GPHN: variants seen among roughly 807,000 people sequenced by gnomAD.
The protein encoded by GPHN is gephyrin.
In GPHN, 17 loss-of-function variants were observed where a neutral mutation model predicts 95.5. The observed-to-expected ratio is 0.18, with a 90% CI of 0.12 to 0.27. The LOEUF is 0.27. Ranked by LOEUF, GPHN falls within the 10% of genes least tolerant of loss-of-function variation. The pLI, the probability that GPHN is intolerant of heterozygous loss-of-function variation, is 1.00. For missense variants in GPHN, 660 were observed against 978.1 expected, an observed-to-expected ratio of 0.67 and a Z score of 4.34; for synonymous variants, 320 against 322.5, an observed-to-expected ratio of 0.99 and a Z score of 0.08.
chr14:67,704,977 A>T, the GPHN span, among the ~76,000 whole-genome samples: 12 of 152,240 alleles, frequency 7.9e-5, no homozygotes, highest in Non-Finnish European at 7.3e-5. Flanking sequence ...GGTTGGAAGC[A>T]GGTCTAGGTA....
the GPHN span, among the ~76,000 whole-genome samples, chr14:67,376,098 C>T: frequency 6.6e-6 from 1 of 152,106 alleles, no homozygotes; most frequent in Non-Finnish European, 1.5e-5. Flanking sequence ...ATAATAACAA[C>T]TTGTATTTGT....
chr14:67,650,013 C>T, the GPHN span: 1 of 152,218 alleles, frequency 6.6e-6, no homozygotes, highest in African/African-American at 2.4e-5. Flanking sequence ...AGAACTTTGA[C>T]ACAAGTTCTC....
chr14:67,032,699 C>G (rs1288451689), intron 10 of GPHN, among the ~76,000 whole-genome samples: 1 of 152,114 alleles, frequency 6.6e-6, no homozygotes, highest in East Asian at 1.9e-4. Flanking sequence ...TACACAGACC[C>G]AGAGAAGTCA....
At chr14:66,542,980 A>G (rs1052634290) in intron 1 of GPHN, among the ~76,000 whole-genome samples, 3 of 152,214 alleles carry the variant, frequency 2.0e-5, no homozygotes, top group African/African-American at 7.2e-5. Flanking sequence ...ACTTACAATC[A>G]GGGCGGAAGG....
chr14:66,833,997 G>T lies in GPHN; in HGVS notation c.294+9431G>T, dbSNP rs140494440. ...CATGCCCTTTTCATCATTCCAGCCTGAACATTTCAACCATCACTTCTTCTA... is the reference window on the plus strand; with the variant it reads ...CATGCCCTTTTCATCATTCCAGCCTTAACATTTCAACCATCACTTCTTCTA... On this transcript the variant is annotated intron_variant, in intron 4 of 22. Coordinates refer to ENST00000478722, the MANE Select transcript of GPHN (RefSeq NM_020806.5). Among the ~76,000 whole-genome samples, 151 of 152,210 alleles carry T rather than the reference G, an allele frequency of 9.9e-4. 2 individuals are homozygous for T. The East Asian group carries it at 0.027, about 28-fold the overall frequency.
At chr14:67,455,970 C>G in the GPHN span, among the ~76,000 whole-genome samples, 2 of 152,042 alleles carry the variant, frequency 1.3e-5, no homozygotes, top group Non-Finnish European at 2.9e-5. Context: ...ACAAATGGGA[C>G]CTAATTAAAC....
the GPHN span, among the ~76,000 whole-genome samples, chr14:67,225,535 T>C: frequency 6.6e-6 from 1 of 152,176 alleles, no homozygotes; most frequent in Non-Finnish European, 1.5e-5. Context: ...TAGCGATTCT[T>C]CTCATTTCTG....
the GPHN span, among the ~76,000 whole-genome samples, chr14:67,553,766 A>G: frequency 1.3e-5 from 2 of 152,334 alleles, no homozygotes; most frequent in South Asian, 4.1e-4. Context: ...AACTGTGTGA[A>G]GGTCAAGGAA....
At chr14:67,391,914 T>G in the GPHN span, among the ~76,000 whole-genome samples, 1 of 152,046 alleles carries the variant, frequency 6.6e-6, no homozygotes, top group Non-Finnish European at 1.5e-5. Context: ...AGAAAGTGTA[T>G]CAAGGAGGCG....
chr14:67,415,075 T>C, the GPHN span, among the ~76,000 whole-genome samples: 13 of 152,342 alleles, frequency 8.5e-5, no homozygotes, highest in East Asian at 2.3e-3. Flanking sequence ...TCTGCAGAAC[T>C]GGAAAAGACT....
the GPHN span, chr14:67,659,696 GGA>G: frequency 1.5e-6 from 2 of 1,369,922 alleles, no homozygotes; most frequent in Non-Finnish European, 9.9e-7. Flanking sequence ...GGCCCTTAAA[GGA>G]AAAAAAAAAC....
chr14:66,822,646 T>A (rs759614638), intron 3 of GPHN, among the ~76,000 whole-genome samples: 10 of 152,220 alleles, frequency 6.6e-5, no homozygotes, highest in Non-Finnish European at 1.5e-4. Context: ...AACAGGAGCA[T>A]TCTTCAGTAT....
intron 3 of GPHN, among the ~76,000 whole-genome samples, chr14:66,820,658 A>AT (rs2061156203): frequency 6.6e-6 from 1 of 152,118 alleles, no homozygotes; most frequent in Non-Finnish European, 1.5e-5. Context: ...AATTTTTAAG[A>AT]TTTTGAGAAT....
chr14:67,229,227 G>A, the GPHN span, among the ~76,000 whole-genome samples: 2 of 152,238 alleles, frequency 1.3e-5, no homozygotes, highest in African/African-American at 4.8e-5. Flanking sequence ...TAGAACTCAT[G>A]CTTTTAAATT....
At chr14:66,884,816 G>C (rs986417857) in intron 5 of GPHN, among the ~76,000 whole-genome samples, 22 of 135,100 alleles carry the variant, frequency 1.6e-4, no homozygotes, top group African/African-American at 5.7e-4. Flanking sequence ...GTATGTGTGT[G>C]TGTATATATA....
At chr14:67,419,588 G>A in the GPHN span, among the ~76,000 whole-genome samples, 3 of 152,076 alleles carry the variant, frequency 2.0e-5, no homozygotes, top group African/African-American at 4.8e-5. Flanking sequence ...CCAGGCGGGG[G>A]GCGGTGGCTC....
chr14:67,102,183 A>G (rs1162702935), intron 13 of GPHN, among the ~76,000 whole-genome samples: 1 of 151,860 alleles, frequency 6.6e-6, no homozygotes, highest in East Asian at 2.0e-4. Flanking sequence ...GGCCATTGTT[A>G]TGTTTAAGAG....
chr14:66,874,091 G>A (rs1192437838), intron 4 of GPHN, among the ~76,000 whole-genome samples: 1 of 152,212 alleles, frequency 6.6e-6, no homozygotes, highest in African/African-American at 2.4e-5. Flanking sequence ...TGCAGCCTTT[G>A]CTAGTGATAC....
At chr14:66,977,873 A>G (rs905729899) in intron 9 of GPHN, among the ~76,000 whole-genome samples, 1 of 152,336 alleles carries the variant, frequency 6.6e-6, no homozygotes. Flanking sequence ...ATTTGTAGCC[A>G]AACTTAATAA....
Sources: allele counts gnomAD v4.1 joint callset (sites outside exome capture counted in the v4.1 genomes callset), GRCh38; gene constraint gnomAD v4.1.1; transcripts MANE v1.5; gene names NCBI Gene and HGNC (gene_info 2026-07-23, HGNC 2026-07-21).